Variants in LDLRAD3 observed in about 807,000 individuals in gnomAD.
LDLRAD3 encodes low-density lipoprotein receptor class A domain-containing protein 3.
Under a neutral mutation model 29.4 loss-of-function variants are expected in LDLRAD3, and 20 were observed. The ratio of observed to expected loss-of-function variants is 0.68; its 90% CI spans 0.48 to 0.99. The LOEUF (loss-of-function observed/expected upper bound fraction) is 0.99. Ranked by LOEUF, LDLRAD3 falls within the 50% of genes least tolerant of loss-of-function variation. The pLI is 0.00. For missense variants in LDLRAD3, 420 were observed against 454.3 expected (o/e 0.92, Z 0.69); for synonymous variants, 157 against 192.7 (o/e 0.81, Z 1.53).
intron 4 of LDLRAD3, among the ~76,000 whole-genome samples, chr11:36,098,787 A>C (rs1290219841): frequency 2.0e-5 from 3 of 152,228 alleles, no homozygotes; most frequent in Non-Finnish European, 4.4e-5. Flanking sequence ...TTATTGGGGC[A>C]ATCCAGGTTG....
intron 4 of LDLRAD3, among the ~76,000 whole-genome samples, chr11:36,194,524 G>A (rs1027534019): frequency 1.8e-4 from 28 of 152,174 alleles, no homozygotes; most frequent in African/African-American, 6.7e-4. Flanking sequence ...GGCAAGCCTG[G>A]TGCCACCACT....
chr11:36,164,417 G>C (rs1482466178), intron 4 of LDLRAD3, among the ~76,000 whole-genome samples: 1 of 152,220 alleles, frequency 6.6e-6, no homozygotes, highest in Non-Finnish European at 1.5e-5. Context: ...GTCTTAGATT[G>C]CTGCTCATTT....
At chr11:36,143,637 A>G (rs1006702469) in intron 4 of LDLRAD3, among the ~76,000 whole-genome samples, 20 of 152,174 alleles carry the variant, frequency 1.3e-4, no homozygotes, top group Admixed American at 6.5e-4. Flanking sequence ...GCTGCTAACA[A>G]AATACCACAG....
chr11:36,048,438 G>T (rs896312485), intron 2 of LDLRAD3, among the ~76,000 whole-genome samples: 2 of 152,112 alleles, frequency 1.3e-5, no homozygotes, highest in Non-Finnish European at 1.5e-5. Flanking sequence ...TGGGGTCCCG[G>T]TGCTCCCTCC....
rs1021922814 is a variant in LDLRAD3, at chr11:36,229,650, A to G, written c.*253A>G. 27 of 500,668 alleles carry G rather than the reference A, an allele frequency of 5.4e-5. No individual in the cohort carries two copies. Among genetic ancestry groups the G allele is most frequent in the Middle Eastern group, 5.1e-4 (1 of 1,966 alleles). The allele number at this position is 500,668 out of a possible 1,614,324, so 31.0% of individuals were successfully genotyped here. A position where few individuals can be genotyped will look rare whatever the true frequency, so the allele number is the denominator to read the frequency against. ...CCTTGGGACCCGAGATCACACCCTC[A>G]TTTTTCACATTATTCTGTTTCTGTT... On this transcript the variant is annotated 3_prime_UTR_variant, in exon 6 of 6. Transcript: ENST00000315571.
At chr11:35,978,424 A>G (rs1365805542) in intron 1 of LDLRAD3, among the ~76,000 whole-genome samples, 1 of 152,214 alleles carries the variant, frequency 6.6e-6, no homozygotes, top group Non-Finnish European at 1.5e-5. Context: ...GACATTGTGT[A>G]ACACGACCCA....
chr11:36,069,948 C>T (rs770950422), intron 2 of LDLRAD3, among the ~76,000 whole-genome samples: 6 of 152,308 alleles, frequency 3.9e-5, no homozygotes, highest in African/African-American at 9.6e-5. Context: ...CCGCCTAGAC[C>T]GTGGCCGACC....
intron 4 of LDLRAD3, among the ~76,000 whole-genome samples, chr11:36,101,547 A>G (rs1221207297): frequency 2.6e-5 from 4 of 152,192 alleles, no homozygotes; most frequent in Admixed American, 2.6e-4. Flanking sequence ...TCATTTCCTC[A>G]GTGGGAATCT....
intron 4 of LDLRAD3, among the ~76,000 whole-genome samples, chr11:36,130,553 G>T (rs902446185): frequency 6.6e-6 from 1 of 152,120 alleles, no homozygotes; most frequent in Non-Finnish European, 1.5e-5. Flanking sequence ...GCAAGCTGCC[G>T]CCAGTTTTAT....
intron 1 of LDLRAD3, among the ~76,000 whole-genome samples, chr11:36,025,720 G>C (rs1351977079): frequency 6.9e-6 from 1 of 145,160 alleles, no homozygotes; most frequent in East Asian, 2.2e-4. Flanking sequence ...TCTTGCAGTT[G>C]AAGTTCATTA....
intron 4 of LDLRAD3, 117 bp from the exon 5 acceptor site, chr11:36,226,968 A>C: frequency 1.2e-6 from 1 of 801,084 alleles, no homozygotes. Flanking sequence ...CTTTTTGGCT[A>C]TTGTGAATAG....
chr11:36,222,189 C>G (rs1288444315), intron 4 of LDLRAD3, among the ~76,000 whole-genome samples: 2 of 152,148 alleles, frequency 1.3e-5, no homozygotes, highest in African/African-American at 4.8e-5. Flanking sequence ...CCTTCTTAGC[C>G]TCCTGAGTAG....
intron 2 of LDLRAD3, among the ~76,000 whole-genome samples, chr11:36,046,144 C>T (rs886947779): frequency 2.0e-4 from 30 of 152,138 alleles, no homozygotes; most frequent in Non-Finnish European, 3.8e-4. Flanking sequence ...GACATGAACT[C>T]ATTCTTTTTT....
At chr11:36,108,319 C>CAAAAAAAAAAAAAAAAAAAAAAAAAA in intron 4 of LDLRAD3, among the ~76,000 whole-genome samples, 1 of 48,978 alleles carries the variant, frequency 2.0e-5, no homozygotes, top group Non-Finnish European at 3.5e-5. Flanking sequence ...GACTCCATCT[C>CAAAAAAAAAAAAAAAAAAAAAAAAAA]AAAAAAAAAA....
At chr11:36,105,970 T>A (rs1242478288) in intron 4 of LDLRAD3, among the ~76,000 whole-genome samples, 2 of 151,998 alleles carry the variant, frequency 1.3e-5, no homozygotes, top group Non-Finnish European at 2.9e-5. Flanking sequence ...CAGAGAGTGA[T>A]CAGAGTAGAG....
intron 1 of LDLRAD3, among the ~76,000 whole-genome samples, chr11:36,022,224 A>G (rs1180808784): frequency 6.6e-6 from 1 of 152,162 alleles, no homozygotes; most frequent in Non-Finnish European, 1.5e-5. Context: ...TCTAATTATT[A>G]ATCATGTAAC....
chr11:36,088,858 T>C (rs1358497640), intron 3 of LDLRAD3, among the ~76,000 whole-genome samples: 1 of 152,160 alleles, frequency 6.6e-6, no homozygotes, highest in Non-Finnish European at 1.5e-5. Context: ...TACAGGACTT[T>C]CTTCAAACAA....
intron 4 of LDLRAD3, among the ~76,000 whole-genome samples, chr11:36,214,539 C>A (rs958268474): frequency 2.0e-5 from 3 of 152,202 alleles, no homozygotes; most frequent in Non-Finnish European, 4.4e-5. Flanking sequence ...TTGAGCTCAG[C>A]CAGTGCCCAT....
intron 4 of LDLRAD3, among the ~76,000 whole-genome samples, chr11:36,198,575 C>G (rs1917901): frequency 0.17 from 26,623 of 152,186 alleles, 2,374 homozygotes; most frequent in East Asian, 0.23. Flanking sequence ...GCTTCCCCCC[C>G]ATCCCACTCC....
Sources: allele counts gnomAD v4.1 joint callset (sites outside exome capture counted in the v4.1 genomes callset), GRCh38; gene constraint gnomAD v4.1.1; transcripts MANE v1.5; gene names NCBI Gene and HGNC (gene_info 2026-07-23, HGNC 2026-07-21).